The following YEATS2 variants were observed in gnomAD, a reference collection of about 807,000 sequenced individuals.
The protein encoded by YEATS2 is YEATS domain-containing protein 2.
YEATS2 carries 77 observed loss-of-function variants against 163.2 expected under a neutral mutation model. That is an observed-to-expected ratio of 0.47 (90% confidence interval 0.39 to 0.57). The LOEUF is 0.57. Ranked by LOEUF, YEATS2 falls within the 20% of genes least tolerant of loss-of-function variation. The pLI, the probability that YEATS2 is intolerant of heterozygous loss-of-function variation, is 0.00. For synonymous variants in YEATS2, 631 were observed against 645.1 expected (o/e 0.98, Z 0.33); for missense variants, 1,549 against 1,729.8 (o/e 0.90, Z 1.85).
In YEATS2 at chr3:183,737,505, C is replaced by T. The variant is rs937949566; in HGVS notation, c.924+676C>T. Among the ~76,000 whole-genome samples the T allele has an allele frequency of 4.6e-5, 7 of 152,314 alleles. No homozygotes were observed. In the East Asian group the frequency reaches 1.4e-3, roughly 29 times the overall value. ...GAACAAAGTGGTCAGATAATCAGAA[C>T]ACATGAATCTTTGATCAGACCTCAC... On this transcript the variant is annotated intron_variant, in intron 8 of 30. Coordinates refer to ENST00000305135, the MANE Select transcript of YEATS2 (RefSeq NM_018023.5).
intron 6 of YEATS2, among the ~76,000 whole-genome samples, chr3:183,724,989 C>T (rs1285264855): frequency 1.3e-5 from 2 of 151,120 alleles, no homozygotes; most frequent in African/African-American, 4.9e-5. Context: ...GTGATCCATC[C>T]ACCTTGGCCT....
intron 21 of YEATS2, 21 bp downstream of exon 21, chr3:183,791,001 AT>A: frequency 6.2e-7 from 1 of 1,603,304 alleles, no homozygotes. Flanking sequence ...TTGTGATATT[AT>A]TTCTCTCTCT....
At chr3:183,770,994 T>C (rs1035753098) in intron 15 of YEATS2, among the ~76,000 whole-genome samples, 1 of 152,242 alleles carries the variant, frequency 6.6e-6, no homozygotes, top group African/African-American at 2.4e-5. Context: ...TTGGGCATTG[T>C]TGTATATGTT....
intron 21 of YEATS2, among the ~76,000 whole-genome samples, chr3:183,794,338 A>T (rs866676202): frequency 1.3e-5 from 2 of 152,248 alleles, no homozygotes; most frequent in Admixed American, 1.3e-4. Context: ...CAAAAGGCAC[A>T]GTGTAAAGAA....
chr3:183,724,382 C>G, intron 5 of YEATS2, 37 bp from the exon 6 acceptor site: 1 of 1,490,674 alleles, frequency 6.7e-7, no homozygotes, highest in African/African-American at 1.4e-5. Context: ...GAAAGTTGTT[C>G]AAAATGAGAA....
chr3:183,808,863 A>G, intron 29 of YEATS2: 5 of 427,792 alleles, frequency 1.2e-5, no homozygotes, highest in Non-Finnish European at 2.1e-5. Context: ...CTCAAAATAA[A>G]TAAATAAATA....
intron 21 of YEATS2, 62 bp downstream of exon 21, chr3:183,791,042 T>A: frequency 6.3e-7 from 1 of 1,576,192 alleles, no homozygotes. Flanking sequence ...ATATTTTTGT[T>A]TGTTTGTTTG....
In YEATS2 at chr3:183,811,649, G is replaced by GC. The variant is rs1560348568; in HGVS notation, c.*1071dup. The GC allele has an allele frequency of 6.6e-6, 1 of 152,600 alleles. No homozygotes were observed. The highest frequency in any genetic ancestry group is 1.5e-5 in the Non-Finnish European group (1 of 68,116). The allele number at this position is 152,600 out of a possible 1,614,324, so 9.5% of individuals were successfully genotyped here. On this transcript the variant is annotated 3_prime_UTR_variant, in exon 31 of 31. Coordinates refer to ENST00000305135, the MANE Select transcript of YEATS2 (RefSeq NM_018023.5). The stretch of plus-strand genomic sequence containing the variant: ...GATTAGTCTGTGTCCACAAGCAGAG[G>GC]CCCCCTCGATGGGAGGGAGTGGCAG...
intron 8 of YEATS2, among the ~76,000 whole-genome samples, chr3:183,739,293 A>G (rs1432488168): frequency 2.0e-5 from 3 of 150,972 alleles, no homozygotes; most frequent in Admixed American, 1.3e-4. Context: ...TACAAAAATC[A>G]CAAGCATTCT....
At position 183,767,058 on chromosome 3, in the gene YEATS2, T is replaced by C. The variant is rs1410952438; in HGVS notation, c.1947+4779T>C. On this transcript the variant is annotated intron_variant, in intron 15 of 30. Transcript: ENST00000305135. ...GAGGTCTTACACCTTCTTAGTGGTG[T>C]CCATAATCAGCTGCAGAGTTTTTCC... is the stretch of plus-strand genomic sequence containing the variant. Among the ~76,000 whole-genome samples the C allele has an allele frequency of 2.6e-5, 4 of 152,208 alleles. No homozygotes were observed. In the East Asian group the frequency reaches 7.7e-4, roughly 29 times the overall value.
intron 15 of YEATS2, among the ~76,000 whole-genome samples, chr3:183,771,542 C>CTTTTTTTTTTTTTTTTTTTTTATTTTT (rs1722462151): frequency 1.6e-5 from 1 of 60,812 alleles, no homozygotes; most frequent in Non-Finnish European, 2.6e-5. Flanking sequence ...ATTATTCTTG[C>CTTTTTTTTTTTTTTTTTTTTTATTTTT]CTTTTTTTTT....
chr3:183,808,567 T>C (rs778522821), intron 29 of YEATS2, among the ~76,000 whole-genome samples: 1 of 152,274 alleles, frequency 6.6e-6, no homozygotes. Flanking sequence ...TTAAATACAA[T>C]GTCTAGGGCT....
At position 183,798,028 on chromosome 3, in the gene YEATS2, C is replaced by CGATCCT; in HGVS notation, c.3207_3212dup (p.Ile1069_Leu1070dup). Reference sequence around the variant, plus strand: ...GTAAACACATCTGGAGGGGTGCAGACGATCCTGATGCCTGTGAATAAAGGT... The same window carrying CGATCCT: ...GTAAACACATCTGGAGGGGTGCAGACGATCCTGATCCTGATGCCTGTGAATAAAGGT... On this transcript the variant is annotated inframe_insertion, in exon 22 of 31. Coordinates refer to ENST00000305135, the MANE Select transcript of YEATS2 (RefSeq NM_018023.5). The CGATCCT allele has an allele frequency of 6.2e-7, 1 of 1,614,016 alleles. No homozygotes were observed. The highest frequency in any genetic ancestry group is 8.5e-7 in the Non-Finnish European group (1 of 1,179,940).
intron 28 of YEATS2, 73 bp downstream of exon 28, chr3:183,807,165 A>G: frequency 7.6e-7 from 1 of 1,323,774 alleles, no homozygotes; most frequent in Non-Finnish European, 1.1e-6. Flanking sequence ...TCAGCTTCAC[A>G]GACCCAGACC....
chr3:183,715,082 T>C, intron 1 of YEATS2, 62 bp from the exon 2 acceptor site: 2 of 968,926 alleles, frequency 2.1e-6, no homozygotes. Context: ...GTATGCAGTG[T>C]TACTACAACC....
intron 22 of YEATS2, 70 bp downstream of exon 22, chr3:183,798,121 G>C: frequency 2.5e-6 from 4 of 1,594,540 alleles, no homozygotes; most frequent in African/African-American, 2.8e-5. Context: ...ACCAGGTGGT[G>C]ACTGCTCTGC....
chr3:183,775,817 C>A, intron 17 of YEATS2, 98 bp from the exon 18 acceptor site: 1 of 1,553,186 alleles, frequency 6.4e-7, no homozygotes, highest in Non-Finnish European at 8.8e-7. Context: ...GAAGGAATGG[C>A]ACTAAAAGGG....
At position 183,810,690 on chromosome 3, in the gene YEATS2, C is replaced by G; in HGVS notation, c.*107C>G. On this transcript the variant is annotated 3_prime_UTR_variant, in exon 31 of 31. Transcript: ENST00000305135. ...TGGTTTCCAGTGTGACTCGGCATGT[C>G]ATGGCTACCCAACCTTTGCCGCTGC... 1 of 978,106 alleles carries G rather than the reference C, an allele frequency of 1.0e-6. No homozygotes were observed. Among genetic ancestry groups the G allele is most frequent in the Non-Finnish European group, 1.6e-6 (1 of 636,040 alleles). The allele number at this position is 978,106 out of a possible 1,614,324, so 60.6% of individuals were successfully genotyped here.
chr3:183,725,872 G>C (rs369853457), intron 6 of YEATS2, among the ~76,000 whole-genome samples: 10 of 152,210 alleles, frequency 6.6e-5, no homozygotes, highest in Admixed American at 5.9e-4. Context: ...GGATGTAAGT[G>C]TGATGGGTTC....
Sources: gnomAD v4.1 joint callset for allele counts (sites outside exome capture counted in the v4.1 genomes callset) on GRCh38, gnomAD v4.1.1 for gene constraint, MANE v1.5 for transcripts, NCBI Gene and HGNC (gene_info 2026-07-23, HGNC 2026-07-21) for gene names.